The following GAPT variants were observed in gnomAD, a reference collection of about 807,000 sequenced individuals.
The protein encoded by GAPT is GRB2 binding adaptor protein, transmembrane.
For missense variants in GAPT, 206 were observed against 189.2 expected (o/e 1.09, Z -0.52); for synonymous variants, 82 against 69.7 (o/e 1.18, Z -0.88).
Position 58,495,011 on chromosome 5 carries a change from CT to C in GAPT, c.*5del. On this transcript the variant is annotated 3_prime_UTR_variant, in exon 3 of 3. Coordinates refer to ENST00000502276, the MANE Select transcript of GAPT (RefSeq NM_001304431.2). The stretch of plus-strand genomic sequence containing the variant: ...ATACATTCTTCCAGATTCATATTAG[CT>C]TTTCAAAATATTGACTTTTGTTATT... 1 of 1,558,044 alleles carries C rather than the reference CT, an allele frequency of 6.4e-7. No homozygotes were observed.
chr5:58,494,475 A>T lies in GAPT; in HGVS notation c.-62A>T. 2 of 1,361,632 alleles carry T rather than the reference A, an allele frequency of 1.5e-6. No individual in the cohort carries two copies. The highest frequency in any genetic ancestry group is 2.0e-6 in the Non-Finnish European group (2 of 990,714). 84.3% of individuals were successfully genotyped at this position (1,361,632 alleles called of 1,614,324 possible). ...TTTTGAATAATACTAGGCTACAAAG[A>T]ATTACACTGTGAATTCATTAAGGGT... On this transcript the variant is annotated 5_prime_UTR_variant, in exon 3 of 3. Coordinates refer to ENST00000502276, the MANE Select transcript of GAPT (RefSeq NM_001304431.2).
rs934335897 is a variant in GAPT at position 58,494,348 on chromosome 5, A to T, written c.-189A>T. 5.6e-6 allele frequency: 3 copies of T among 538,148 alleles called. No individual in the cohort carries two copies. Among genetic ancestry groups the T allele is most frequent in the Non-Finnish European group, 9.8e-6 (3 of 306,614 alleles). 33.3% of individuals were successfully genotyped at this position (538,148 alleles called of 1,614,324 possible). On this transcript the variant is annotated 5_prime_UTR_variant, in exon 3 of 3. Transcript: ENST00000502276. ...CACACGAAGAGAGCCATCTTCCAGA[A>T]ATAAGTTTATACACTCTCTCCTCTA...
At position 58,494,315 on chromosome 5, in the gene GAPT, G is replaced by C. The variant is rs918066530; in HGVS notation, c.-222G>C. On this transcript the variant is annotated 5_prime_UTR_variant, in exon 3 of 3. Coordinates refer to ENST00000502276, the MANE Select transcript of GAPT (RefSeq NM_001304431.2). The stretch of plus-strand genomic sequence containing the variant: ...TATACATTAATGGCTGTAATGTGAA[G>C]AGCATCACACACGAAGAGAGCCATC... 2.0e-6 allele frequency: 1 copy of C among 496,542 alleles called. No individual in the cohort carries two copies. Among genetic ancestry groups the C allele is most frequent in the Non-Finnish European group, 3.5e-6 (1 of 282,080 alleles). The allele number at this position is 496,542 out of a possible 1,614,324, so 30.8% of individuals were successfully genotyped here.
Position 58,496,959 on chromosome 5 carries a change from G to C in GAPT, c.*1949G>C, listed in dbSNP as rs1252801801. On this transcript the variant is annotated 3_prime_UTR_variant, in exon 3 of 3. Transcript: ENST00000502276. Reference sequence around the variant, plus strand: ...CAGCCTGGCAGGGCTCCTCCTCTGAGGTCTGGTAACTCTCAGCCAAGATTG... The same window carrying C: ...CAGCCTGGCAGGGCTCCTCCTCTGACGTCTGGTAACTCTCAGCCAAGATTG... 1 of 166,936 alleles carries C rather than the reference G, an allele frequency of 6.0e-6. No individual in the cohort carries two copies. The highest frequency in any genetic ancestry group is 1.5e-5 in the Non-Finnish European group (1 of 68,112). The allele number at this position is 166,936 out of a possible 1,614,324, so 10.3% of individuals were successfully genotyped here. A position where few individuals can be genotyped will look rare whatever the true frequency, so the allele number is the denominator to read the frequency against.
intron 2 of GAPT, 51 bp from the exon 3 acceptor site, chr5:58,494,196 T>C (rs544199622): frequency 9.9e-6 from 2 of 201,266 alleles, no homozygotes; most frequent in African/African-American, 4.6e-5. Flanking sequence ...AGTTTTCTAC[T>C]CTGCTGTCAT....
At chr5:58,491,896 A>G (rs1181762562) in intron 1 of GAPT, among the ~76,000 whole-genome samples, 1 of 152,210 alleles carries the variant, frequency 6.6e-6, no homozygotes, top group African/African-American at 2.4e-5. Context: ...CAAAGTGAAC[A>G]TTATTTAAGT....
chr5:58,494,516 A>G lies in GAPT; in HGVS notation c.-21A>G, dbSNP rs1312219648. 6.3e-7 allele frequency: 1 copy of G among 1,575,568 alleles called. No individual in the cohort carries two copies. The highest frequency in any genetic ancestry group is 1.8e-5 in the Admixed American group (1 of 57,138). On this transcript the variant is annotated 5_prime_UTR_variant, in exon 3 of 3. Coordinates refer to ENST00000502276, the MANE Select transcript of GAPT (RefSeq NM_001304431.2). ...CATTAAGGGTAACACCAAATCACTA[A>G]ACAGCACTGTTTGTACAGAAATGTC... is the stretch of plus-strand genomic sequence containing the variant.
At position 58,496,456 on chromosome 5, in the gene GAPT, C is replaced by CCTG. The variant is rs1744453105; in HGVS notation, c.*1446_*1447insCTG. 6.0e-6 allele frequency: 1 copy of CCTG among 167,080 alleles called. No homozygotes were observed. The highest frequency in any genetic ancestry group is 2.1e-4 in the South Asian group (1 of 4,830). 10.3% of individuals were successfully genotyped at this position (167,080 alleles called of 1,614,324 possible). ...GGGGTTACAAAATTAAAAAGAGAGA[C>CCTG]ATGGATCCTGAACACATACAGTCTA... On this transcript the variant is annotated 3_prime_UTR_variant, in exon 3 of 3. Coordinates refer to ENST00000502276, the MANE Select transcript of GAPT (RefSeq NM_001304431.2).
At chr5:58,493,943 G>A (rs546997771) in intron 2 of GAPT, 105 bp downstream of exon 2, 1 of 152,262 alleles carries the variant, frequency 6.6e-6, no homozygotes, top group South Asian at 2.1e-4. Flanking sequence ...CAAAAACTAT[G>A]TGGAGATCTA....
intron 1 of GAPT, among the ~76,000 whole-genome samples, chr5:58,493,466 T>A (rs113561712): frequency 2.6e-5 from 4 of 152,188 alleles, no homozygotes; most frequent in African/African-American, 9.7e-5. Flanking sequence ...ATACATTGGT[T>A]TACTTTAAAG....
At position 58,495,903 on chromosome 5, in the gene GAPT, A is replaced by G. The variant is rs1196187602; in HGVS notation, c.*893A>G. ...TGAACTCCAAAATTTATGGTTTTCC[A>G]CAATTGGTTCCAATTCACTTTTCCA... is the stretch of plus-strand genomic sequence containing the variant. On this transcript the variant is annotated 3_prime_UTR_variant, in exon 3 of 3. Transcript: ENST00000502276. 1.8e-5 allele frequency: 3 copies of G among 167,048 alleles called. No individual in the cohort carries two copies. Among genetic ancestry groups the G allele is most frequent in the South Asian group, 4.1e-4 (2 of 4,834 alleles). 10.3% of individuals were successfully genotyped at this position (167,048 alleles called of 1,614,324 possible).
intron 1 of GAPT, among the ~76,000 whole-genome samples, chr5:58,492,823 C>T (rs1179621539): frequency 1.3e-5 from 2 of 152,076 alleles, no homozygotes; most frequent in Non-Finnish European, 1.5e-5. Flanking sequence ...AAGGAGATTA[C>T]TTCATTCATT....
Position 58,494,769 on chromosome 5 carries a change from A to G in GAPT, c.233A>G (p.Gln78Arg), listed in dbSNP as rs1744392129. Residue 78 changes from glutamine to arginine, a missense_variant, in exon 3 of 3, where the codon CAA (glutamine) becomes CGA (arginine). By Grantham distance (43) the Gln-to-Arg change is conservative. Transcript: ENST00000502276. The stretch of plus-strand genomic sequence containing the variant: ...AGGCATGAAATCTCAGTTGAAACCC[A>G]AGACCACAAATCTGCTGTCAGGGGA... ...GLRHEISVET[Q>R]DHKSAVRGNN... 2 of 1,613,872 alleles carry G rather than the reference A, an allele frequency of 1.2e-6. No individual in the cohort carries two copies. The highest frequency in any genetic ancestry group is 2.7e-5 in the African/African-American group (2 of 74,920).
chr5:58,494,726 C>G lies in GAPT; in HGVS notation c.190C>G (p.Pro64Ala). ...AGTCTGTACTAAAACATTCTTGGGC[C>G]CCCGCATCATTGGCTTAAGGCATGA... ...RKVCTKTFLG[P>A]RIIGLRHEIS... is the part of the protein sequence containing the mutation. Residue 64 changes from proline to alanine, a missense_variant, in exon 3 of 3, where the codon CCC (proline) becomes GCC (alanine). Transcript: ENST00000502276. The G allele has an allele frequency of 6.2e-7, 1 of 1,613,942 alleles. No individual in the cohort carries two copies. The highest frequency in any genetic ancestry group is 8.5e-7 in the Non-Finnish European group (1 of 1,179,958).
In GAPT at chr5:58,496,645, G is replaced by C. The variant is rs1744459150; in HGVS notation, c.*1635G>C. On this transcript the variant is annotated 3_prime_UTR_variant, in exon 3 of 3. Transcript: ENST00000502276. ...GATCCATTCTATTCTCTACCAATAG[G>C]GGGCACTAAGGAAGACCGAAAGGCA... 8 of 166,994 alleles carry C rather than the reference G, an allele frequency of 4.8e-5. 1 individual carries two copies. The South Asian group carries it at 1.7e-3, about 35-fold the overall frequency. 10.3% of individuals were successfully genotyped at this position (166,994 alleles called of 1,614,324 possible). A position where few individuals can be genotyped will look rare whatever the true frequency, so the allele number is the denominator to read the frequency against.
rs776211497 is a variant in GAPT, at chr5:58,494,807, G to A, written c.271G>A (p.Asp91Asn). Residue 91 changes from aspartate (D) to asparagine (N), a missense_variant, in exon 3 of 3, where the codon GAC becomes AAC. Transcript: ENST00000502276. ...KSAVRGNNTH[D>N]NYENVEAGPP... ...TGCTGTCAGGGGAAATAACACACAC[G>A]ACAACTATGAAAATGTGGAAGCAGG... 10 of 1,613,928 alleles carry A rather than the reference G, an allele frequency of 6.2e-6. No individual in the cohort carries two copies. Among genetic ancestry groups the A allele is most frequent in the Admixed American group, 5.0e-5 (3 of 59,950 alleles).
At chr5:58,492,142 G>A (rs1744275896) in intron 1 of GAPT, among the ~76,000 whole-genome samples, 1 of 152,048 alleles carries the variant, frequency 6.6e-6, no homozygotes, top group Non-Finnish European at 1.5e-5. Context: ...TGGTAAAAAT[G>A]CCTTTTCTTC....
At position 58,494,285 on chromosome 5, in the gene GAPT, A is replaced by T. The variant is rs1744361082; in HGVS notation, c.-252A>T. The T allele has an allele frequency of 2.4e-6, 1 of 412,298 alleles. No individual in the cohort carries two copies. Among genetic ancestry groups the T allele is most frequent in the Admixed American group, 4.0e-5 (1 of 25,116 alleles). 25.5% of individuals were successfully genotyped at this position (412,298 alleles called of 1,614,324 possible). On this transcript the variant is annotated 5_prime_UTR_variant, in exon 3 of 3. Coordinates refer to ENST00000502276, the MANE Select transcript of GAPT (RefSeq NM_001304431.2). ...ATGGAATAAAATCCCCCAATACAGT[A>T]CAATTATACATTAATGGCTGTAATG...
chr5:58,494,667 C>T lies in GAPT; in HGVS notation c.131C>T (p.Pro44Leu), dbSNP rs778835921. 17 of 1,613,816 alleles carry T rather than the reference C, an allele frequency of 1.1e-5. No individual in the cohort carries two copies. Among genetic ancestry groups the T allele is most frequent in the Admixed American group, 5.0e-5 (3 of 59,934 alleles). The change falls in exon 3 of 3, where the codon CCG becomes CTG. Residue 44 changes from proline (P) to leucine (L), a missense_variant. Transcript: ENST00000502276. Reference sequence around the variant, plus strand: ...CGTGTTGCCACACGATTTACCTTACCGAGGTTTTTACAAAGGAGAAGCAGC... The same window carrying T: ...CGTGTTGCCACACGATTTACCTTACTGAGGTTTTTACAAAGGAGAAGCAGC... ...KHRVATRFTL[P>L]RFLQRRSSRR...
Sources: gnomAD v4.1 joint callset for allele counts (sites outside exome capture counted in the v4.1 genomes callset) on GRCh38, gnomAD v4.1.1 for gene constraint, MANE v1.5 for transcripts, NCBI Gene and HGNC (gene_info 2026-07-23, HGNC 2026-07-21) for gene names.